The following ANKS1B variants were observed in gnomAD, a reference collection of about 807,000 sequenced individuals.
ANKS1B encodes the protein ankyrin repeat and sterile alpha motif domain containing 1B.
In ANKS1B, 36 loss-of-function variants were observed where a neutral mutation model predicts 148.3. That is an observed-to-expected ratio of 0.24 (90% confidence interval 0.19 to 0.32). ANKS1B has a LOEUF of 0.32. Among genes scored for constraint, ANKS1B ranks in the 10% least tolerant of loss-of-function variants. The pLI is 1.00. For missense variants in ANKS1B, 1,157 were observed against 1,542.6 expected (o/e 0.75, Z 4.19); for synonymous variants, 542 against 560.8 (o/e 0.97, Z 0.47).
intron 8 of ANKS1B, among the ~76,000 whole-genome samples, chr12:99,729,205 C>T (rs79939096): frequency 1.3e-5 from 2 of 152,106 alleles, no homozygotes; most frequent in Non-Finnish European, 2.9e-5. Flanking sequence ...TTGAAAGACG[C>T]TTTTTCCGAG....
At chr12:99,909,231 T>C (rs186656650) in intron 1 of ANKS1B, among the ~76,000 whole-genome samples, 56 of 143,048 alleles carry the variant, frequency 3.9e-4, no homozygotes, top group Admixed American at 8.2e-5. Context: ...TGTGTGTGTG[T>C]GTGTGTGTGT....
intron 17 of ANKS1B, among the ~76,000 whole-genome samples, chr12:98,848,491 C>T (rs2099496480): frequency 6.6e-6 from 1 of 151,758 alleles, no homozygotes; most frequent in African/African-American, 2.4e-5. Context: ...AAGTTTTTTC[C>T]ACCCACACTT....
chr12:99,615,257 A>G (rs1427662343), intron 9 of ANKS1B, among the ~76,000 whole-genome samples: 4 of 152,130 alleles, frequency 2.6e-5, no homozygotes, highest in Admixed American at 6.5e-5. Context: ...AAAATCATCA[A>G]CATAATTTTG....
chr12:99,352,914 TA>T (rs2091585182), intron 12 of ANKS1B, among the ~76,000 whole-genome samples: 1 of 152,066 alleles, frequency 6.6e-6, no homozygotes, highest in South Asian at 2.1e-4. Flanking sequence ...CAATAACTTT[TA>T]AAAACTAAAT....
chr12:98,781,895 C>CTGCTACA, intron 23 of ANKS1B, among the ~76,000 whole-genome samples: 1 of 152,232 alleles, frequency 6.6e-6, no homozygotes, highest in South Asian at 2.1e-4. Flanking sequence ...TCATTTAGAG[C>CTGCTACA]TGCTACATTC....
intron 1 of ANKS1B, among the ~76,000 whole-genome samples, chr12:99,901,170 G>C (rs970675385): frequency 3.3e-5 from 5 of 152,158 alleles, no homozygotes; most frequent in African/African-American, 1.2e-4. Context: ...TTATAGCATA[G>C]CTAAAGAACA....
intron 14 of ANKS1B, among the ~76,000 whole-genome samples, chr12:99,208,300 C>A (rs1452379343): frequency 6.6e-6 from 1 of 152,074 alleles, no homozygotes; most frequent in Admixed American, 6.5e-5. Flanking sequence ...TCTGGTTAAA[C>A]TAATGACTAT....
chr12:99,334,456 CAAT>C (rs886646406), intron 12 of ANKS1B, among the ~76,000 whole-genome samples: 29 of 152,114 alleles, frequency 1.9e-4, no homozygotes, highest in African/African-American at 7.0e-4. Flanking sequence ...TATACTTGCT[CAAT>C]AATATTCATA....
chr12:99,718,301 C>T (rs1422089190), intron 8 of ANKS1B, among the ~76,000 whole-genome samples: 1 of 152,148 alleles, frequency 6.6e-6, no homozygotes, highest in African/African-American at 2.4e-5. Context: ...CTGACTATTC[C>T]TGGACTACAG....
At chr12:99,955,923 G>A (rs2095316200) in intron 1 of ANKS1B, among the ~76,000 whole-genome samples, 1 of 152,080 alleles carries the variant, frequency 6.6e-6, no homozygotes, top group African/African-American at 2.4e-5. Context: ...AAAGAAAATT[G>A]TAAAAGAAAT....
At chr12:99,572,994 A>G (rs760653183) in intron 9 of ANKS1B, among the ~76,000 whole-genome samples, 7 of 152,066 alleles carry the variant, frequency 4.6e-5, no homozygotes, top group Non-Finnish European at 8.8e-5. Flanking sequence ...TCTCCATTTT[A>G]TGGATATGGA....
At chr12:99,727,178 T>C (rs1286253635) in intron 8 of ANKS1B, among the ~76,000 whole-genome samples, 1 of 152,016 alleles carries the variant, frequency 6.6e-6, no homozygotes, top group Non-Finnish European at 1.5e-5. Flanking sequence ...CATATTCGAA[T>C]AGAAAGAGAG....
intron 9 of ANKS1B, among the ~76,000 whole-genome samples, chr12:99,519,771 G>A (rs1379119167): frequency 1.3e-5 from 2 of 151,896 alleles, no homozygotes; most frequent in African/African-American, 4.8e-5. Flanking sequence ...TAGTGAAAGT[G>A]ATTTTCTCTG....
intron 15 of ANKS1B, among the ~76,000 whole-genome samples, chr12:99,152,707 A>T (rs1209864812): frequency 6.6e-6 from 1 of 152,328 alleles, no homozygotes; most frequent in East Asian, 1.9e-4. Context: ...ATGGGACCAG[A>T]ATAAATTTGG....
chr12:99,066,332 A>C (rs920801215), intron 16 of ANKS1B, among the ~76,000 whole-genome samples: 1 of 152,162 alleles, frequency 6.6e-6, no homozygotes, highest in Non-Finnish European at 1.5e-5. Context: ...AAAAATAAAA[A>C]AGTAAAAAAT....
chr12:99,226,806 C>G (rs984166277), intron 14 of ANKS1B, among the ~76,000 whole-genome samples: 9 of 152,200 alleles, frequency 5.9e-5, no homozygotes, highest in African/African-American at 2.2e-4. Context: ...CACGGTGAGA[C>G]GTAAAAAAAC....
At chr12:99,802,710 C>T (rs1460176553) in intron 4 of ANKS1B, among the ~76,000 whole-genome samples, 5 of 151,876 alleles carry the variant, frequency 3.3e-5, no homozygotes, top group African/African-American at 1.2e-4. Context: ...CCCAGGAGTT[C>T]GAGACCAACC....
At chr12:99,806,742 A>C in intron 3 of ANKS1B, 42 bp from the exon 4 acceptor site, 3 of 1,562,326 alleles carry the variant, frequency 1.9e-6, no homozygotes, top group Non-Finnish European at 2.6e-6. Context: ...TCAGAAATTC[A>C]ATTTGTTATC....
chr12:98,767,218 G>GTGGT (rs1188783884), intron 25 of ANKS1B, among the ~76,000 whole-genome samples: 5 of 152,170 alleles, frequency 3.3e-5, no homozygotes, highest in African/African-American at 1.2e-4. Flanking sequence ...TCACGACCAC[G>GTGGT]TGGTTGATGC....
Sources: allele counts gnomAD v4.1 joint callset (sites outside exome capture counted in the v4.1 genomes callset), GRCh38; gene constraint gnomAD v4.1.1; transcripts MANE v1.5; gene names NCBI Gene and HGNC (gene_info 2026-07-23, HGNC 2026-07-21).